PODXL: variants seen among roughly 807,000 people sequenced by gnomAD.
PODXL encodes podocalyxin like.
PODXL carries 20 observed loss-of-function variants against 48.9 expected under a neutral mutation model. The observed-to-expected ratio is 0.41, with a 90% CI of 0.29 to 0.59. The LOEUF is 0.59. Among genes scored for constraint, PODXL ranks in the 20% least tolerant of loss-of-function variants. PODXL has a pLI of 0.31. For synonymous variants in PODXL, 295 were observed against 287.4 expected (o/e 1.03, Z -0.27); for missense variants, 606 against 675.1 (o/e 0.90, Z 1.13).
At chr7:131,524,729 G>T (rs1368327045) in intron 1 of PODXL, among the ~76,000 whole-genome samples, 1 of 152,120 alleles carries the variant, frequency 6.6e-6, no homozygotes, top group Non-Finnish European at 1.5e-5. Flanking sequence ...ATTATTATAT[G>T]ACCCAGCAAT....
At chr7:131,506,959 A>G (rs1271436358) in intron 5 of PODXL, 3 of 572,528 alleles carry the variant, frequency 5.2e-6, no homozygotes, top group African/African-American at 3.8e-5. Flanking sequence ...CGTTCTCCGC[A>G]CTGTGTTTAT....
chr7:131,555,791 G>A (rs1798732360), intron 1 of PODXL, among the ~76,000 whole-genome samples: 1 of 152,226 alleles, frequency 6.6e-6, no homozygotes, highest in African/African-American at 2.4e-5. Flanking sequence ...CGTGGCTGGA[G>A]GCTTGTCACC....
chr7:131,550,201 A>G (rs372963807), intron 1 of PODXL, among the ~76,000 whole-genome samples: 13 of 152,252 alleles, frequency 8.5e-5, no homozygotes, highest in East Asian at 7.7e-4. Flanking sequence ...TTTAGGCACA[A>G]TGCATGGTGG....
chr7:131,556,210 G>A (rs1798740020), intron 1 of PODXL, 50 bp downstream of exon 1: 5 of 1,414,936 alleles, frequency 3.5e-6, no homozygotes, highest in Admixed American at 3.0e-5. Flanking sequence ...CCGGGCAGGG[G>A]GCACATGGGC....
Position 131,511,085 on chromosome 7 carries a change from T to C in PODXL, c.449A>G (p.Asn150Ser), listed in dbSNP as rs780451817. The change falls in exon 2 of 9, where the codon AAT becomes AGT. Residue 150 changes from asparagine (N) to serine (S), a missense_variant. Transcript: ENST00000378555. ...AGAGTTTGTTGTATCTTCTGCTCCA[T>C]TCTGGCTGCTTGTGGTGTTAGGTTT... ...TAKPNTTSSQNGAEDTTNSGG... is the reference protein window; with the variant it reads ...TAKPNTTSSQSGAEDTTNSGG... The C allele has an allele frequency of 2.5e-6, 4 of 1,614,084 alleles. No homozygotes were observed. The highest frequency in any genetic ancestry group is 2.5e-6 in the Non-Finnish European group (3 of 1,180,014).
intron 1 of PODXL, among the ~76,000 whole-genome samples, chr7:131,549,888 C>T (rs768601858): frequency 1.3e-4 from 19 of 151,974 alleles, no homozygotes; most frequent in Non-Finnish European, 1.6e-4. Flanking sequence ...TGATATATGT[C>T]GGGGAAGGGG....
intron 1 of PODXL, among the ~76,000 whole-genome samples, chr7:131,540,295 C>A (rs1286513132): frequency 6.6e-6 from 1 of 152,150 alleles, no homozygotes; most frequent in African/African-American, 2.4e-5. Flanking sequence ...GATCCTCCTG[C>A]CTCAGACTCC....
rs1269268066 is a variant in PODXL, at chr7:131,505,930, G to C, written c.1417C>G (p.Leu473Val). ...IITIVCMASF[L>V]LLVAALYGCC... is the part of the protein sequence containing the mutation. The stretch of plus-strand genomic sequence containing the variant: ...CCATAGAGGGCCGCCACGAGGAGCA[G>C]GAATGATGCCATGCAGACGATGGTG... The change falls in exon 8 of 9, where the codon CTG becomes GTG. Residue 473 changes from leucine to valine, a missense_variant. Coordinates refer to ENST00000378555, the MANE Select transcript of PODXL (RefSeq NM_001018111.3). The C allele has an allele frequency of 2.5e-6, 4 of 1,599,004 alleles. No homozygotes were observed. Among genetic ancestry groups the C allele is most frequent in the Non-Finnish European group, 3.4e-6 (4 of 1,173,452 alleles).
chr7:131,544,340 C>A (rs924467207), intron 1 of PODXL, among the ~76,000 whole-genome samples: 1 of 152,206 alleles, frequency 6.6e-6, no homozygotes, highest in African/African-American at 2.4e-5. Context: ...TCTGTGTCAA[C>A]AGGACCAGAC....
At chr7:131,554,409 C>G (rs2116877380) in intron 1 of PODXL, among the ~76,000 whole-genome samples, 1 of 152,320 alleles carries the variant, frequency 6.6e-6, no homozygotes, top group East Asian at 1.9e-4. Flanking sequence ...ATACAGTGCT[C>G]AGATAGGCCA....
chr7:131,535,934 T>G (rs1049524104), intron 1 of PODXL, among the ~76,000 whole-genome samples: 1 of 152,130 alleles, frequency 6.6e-6, no homozygotes, highest in Non-Finnish European at 1.5e-5. Context: ...ACTAATTAAT[T>G]TTTTGTAGAG....
chr7:131,530,144 C>T (rs1034370892), intron 1 of PODXL, among the ~76,000 whole-genome samples: 1 of 150,490 alleles, frequency 6.6e-6, no homozygotes, highest in East Asian at 2.0e-4. Context: ...TTGAGGTCTA[C>T]ACCCCACCCC....
At chr7:131,533,968 C>G (rs1157928786) in intron 1 of PODXL, among the ~76,000 whole-genome samples, 1 of 152,210 alleles carries the variant, frequency 6.6e-6, no homozygotes, top group Non-Finnish European at 1.5e-5. Context: ...GTACTTAGAG[C>G]AGTGTGTGCA....
At chr7:131,538,362 C>T (rs1269145462) in intron 1 of PODXL, among the ~76,000 whole-genome samples, 1 of 152,198 alleles carries the variant, frequency 6.6e-6, no homozygotes, top group Non-Finnish European at 1.5e-5. Context: ...CCATCATGCC[C>T]TGGCACAGCA....
intron 1 of PODXL, among the ~76,000 whole-genome samples, chr7:131,514,345 C>T (rs938522591): frequency 6.6e-5 from 10 of 151,958 alleles, no homozygotes; most frequent in Admixed American, 1.3e-4. Context: ...ACCTGGGAGG[C>T]GGAGGTGTAG....
intron 1 of PODXL, among the ~76,000 whole-genome samples, chr7:131,523,678 C>CAAAAAAAAAAAAAAAAAAAAAAAAA (rs753654977): frequency 1.3e-4 from 8 of 61,934 alleles, no homozygotes; most frequent in Admixed American, 2.6e-4. Flanking sequence ...GAATCCGTCT[C>CAAAAAAAAAAAAAAAAAAAAAAAAA]AAAAAAAAAA....
rs2116778435 is a variant in PODXL at position 131,506,312 on chromosome 7, G to C, written c.1259C>G (p.Pro420Arg). The C allele has an allele frequency of 4.3e-6, 7 of 1,614,224 alleles. No individual in the cohort carries two copies. The highest frequency in any genetic ancestry group is 5.9e-6 in the Non-Finnish European group (7 of 1,180,024). The change falls in exon 7 of 9, where the codon CCT becomes CGT. Residue 420 changes from proline to arginine, a missense_variant. Physicochemically the swap from Pro to Arg is moderately radical, Grantham distance 103 (BLOSUM62 -2). Coordinates refer to ENST00000378555, the MANE Select transcript of PODXL (RefSeq NM_001018111.3). ...VKEITIHTKLPAKDVYERLKD... is the reference protein window; with the variant it reads ...VKEITIHTKLRAKDVYERLKD... ...CAGCCGCTCGTACACATCCTTGGCA[G>C]GGAGCTTAGCTGTGGGAGAGGGAGA...
At chr7:131,550,266 C>G (rs1204766054) in intron 1 of PODXL, among the ~76,000 whole-genome samples, 1 of 152,210 alleles carries the variant, frequency 6.6e-6, no homozygotes, top group Non-Finnish European at 1.5e-5. Context: ...TCTTAAATAG[C>G]AACATGGCCC....
intron 1 of PODXL, among the ~76,000 whole-genome samples, chr7:131,513,793 T>G (rs1797952920): frequency 6.6e-6 from 1 of 152,218 alleles, no homozygotes; most frequent in Admixed American, 6.5e-5. Flanking sequence ...TAGCCCTGCA[T>G]GTGGCCTCCA....
Sources: allele counts gnomAD v4.1 joint callset (sites outside exome capture counted in the v4.1 genomes callset), GRCh38; gene constraint gnomAD v4.1.1; transcripts MANE v1.5; gene names NCBI Gene and HGNC (gene_info 2026-07-23, HGNC 2026-07-21).